Variants in ATG2B observed in about 807,000 individuals in gnomAD.
ATG2B encodes autophagy related 2B.
In ATG2B, 121 loss-of-function variants were observed where a neutral mutation model predicts 241.3. The ratio of observed to expected loss-of-function variants is 0.50; its 90% CI spans 0.43 to 0.58. The LOEUF (loss-of-function observed/expected upper bound fraction) is 0.58, where lower values mean the gene tolerates loss of function less well. ATG2B is among the 20% of genes least tolerant of loss of function. ATG2B has a pLI of 0.00. For missense variants in ATG2B, 2,306 were observed against 2,491.6 expected (o/e 0.93, Z 1.59); for synonymous variants, 858 against 876.6 (o/e 0.98, Z 0.37).
chr14:96,315,104 G>A, intron 23 of ATG2B, 50 bp downstream of exon 23: 4 of 1,397,090 alleles, frequency 2.9e-6, no homozygotes, highest in East Asian at 2.5e-5. Flanking sequence ...TGTATTAGAT[G>A]TCAACACAAA....
intron 7 of ATG2B, 91 bp downstream of exon 7, chr14:96,334,314 G>A: frequency 1.3e-6 from 1 of 759,886 alleles, no homozygotes; most frequent in South Asian, 1.9e-5. Flanking sequence ...AAAAATAATA[G>A]ACTTTCCTAC....
intron 34 of ATG2B, among the ~76,000 whole-genome samples, 181 bp downstream of exon 34, chr14:96,301,826 T>C (rs1405731494): frequency 1.3e-5 from 2 of 152,224 alleles, no homozygotes; most frequent in Non-Finnish European, 2.9e-5. Flanking sequence ...TCTAATGATG[T>C]TGACTCAGCC....
At chr14:96,339,907 A>G (rs1417668239) in intron 6 of ATG2B, among the ~76,000 whole-genome samples, 1 of 151,638 alleles carries the variant, frequency 6.6e-6, no homozygotes, top group Admixed American at 6.6e-5. Context: ...AGGGACAACA[A>G]CAAAAACTAA....
chr14:96,356,188 T>G (rs867623717), intron 1 of ATG2B, among the ~76,000 whole-genome samples: 1 of 146,816 alleles, frequency 6.8e-6, no homozygotes, highest in Non-Finnish European at 1.5e-5. Flanking sequence ...AAAAAAAAAG[T>G]GCATGAGCTA....
chr14:96,288,121 A>C (rs984908470), intron 41 of ATG2B, among the ~76,000 whole-genome samples: 1 of 151,986 alleles, frequency 6.6e-6, no homozygotes, highest in African/African-American at 2.4e-5. Flanking sequence ...CATTCTTCCT[A>C]GTGACAGCTT....
Position 96,317,849 on chromosome 14 carries a change from A to G in ATG2B, c.2886T>C (p.Phe962=), listed in dbSNP as rs756707874. The change falls in exon 19 of 42, where the codon TTT becomes TTC. Residue 962 remains phenylalanine (F), a synonymous_variant. Transcript: ENST00000359933. ...SFYEKLYNRI[F]NDLLLWEPTA... Reference sequence around the variant, plus strand: ...TTGGTTCCCACAGTAGCAAGTCATTAAAGATCCTATAAAGACAAAAGTTGA... The same window carrying G: ...TTGGTTCCCACAGTAGCAAGTCATTGAAGATCCTATAAAGACAAAAGTTGA... The G allele has an allele frequency of 4.4e-6, 7 of 1,602,702 alleles. No homozygotes were observed. The South Asian group carries it at 5.6e-5, about 13-fold the overall frequency.
In ATG2B at chr14:96,307,202, A is replaced by G. The variant is rs561474987; in HGVS notation, c.4304-286T>C. On this transcript the variant is annotated intron_variant, in intron 29 of 41. Transcript: ENST00000359933. ...CGAGATGGGTGGATCACCTGAGGTC[A>G]GGAGTTACAGACCAGCCTGGCCAAC... 7.9e-5 allele frequency among the ~76,000 whole-genome samples: 12 copies of G among 152,282 alleles called. No homozygotes were observed. The South Asian group carries it at 2.5e-3, about 32-fold the overall frequency.
intron 14 of ATG2B, among the ~76,000 whole-genome samples, chr14:96,326,772 C>G (rs1373033858): frequency 1.3e-5 from 2 of 152,094 alleles, no homozygotes; most frequent in African/African-American, 4.8e-5. Flanking sequence ...ATCACCCAGG[C>G]TGGTCTCAAA....
In ATG2B at chr14:96,280,666, T is replaced by A. The variant is rs1886173759; in HGVS notation, c.*5089A>T. 1 of 152,128 alleles carries A rather than the reference T, an allele frequency of 6.6e-6. No homozygotes were observed. The highest frequency in any genetic ancestry group is 6.5e-5 in the Admixed American group (1 of 15,276). The allele number at this position is 152,128 out of a possible 1,614,324, so 9.4% of individuals were successfully genotyped here. Reference sequence around the variant, plus strand: ...ATTTTTGGAGGCTGAGGTCAAGAGTTCGAGACCAGGCTGAGGTTAACCTGG... The same window carrying A: ...ATTTTTGGAGGCTGAGGTCAAGAGTACGAGACCAGGCTGAGGTTAACCTGG... On this transcript the variant is annotated 3_prime_UTR_variant, in exon 42 of 42. Transcript: ENST00000359933.
chr14:96,322,365 A>C, intron 17 of ATG2B, 111 bp from the exon 18 acceptor site: 6 of 1,372,296 alleles, frequency 4.4e-6, no homozygotes, highest in Non-Finnish European at 6.0e-6. Flanking sequence ...ATAAGCATGA[A>C]ACATTTAACT....
intron 29 of ATG2B, among the ~76,000 whole-genome samples, chr14:96,309,063 AAAGCC>A (rs1452618453): frequency 6.6e-6 from 1 of 152,192 alleles, no homozygotes; most frequent in Non-Finnish European, 1.5e-5. Context: ...CCACTTTTAA[AAAGCC>A]AAGCCATCTT....
intron 19 of ATG2B, 78 bp from the exon 20 acceptor site, chr14:96,317,395 A>G (rs1887344852): frequency 8.1e-7 from 1 of 1,236,368 alleles, no homozygotes; most frequent in Admixed American, 2.3e-5. Flanking sequence ...AAAATATTTT[A>G]TATAACCTGC....
At chr14:96,308,460 C>CTT (rs573746586) in intron 29 of ATG2B, among the ~76,000 whole-genome samples, 21 of 115,608 alleles carry the variant, frequency 1.8e-4, no homozygotes, top group African/African-American at 6.8e-4. Flanking sequence ...CCACATCTAG[C>CTT]TTTTTTTTTT....
intron 5 of ATG2B, among the ~76,000 whole-genome samples, chr14:96,341,957 C>CA (rs1414217462): frequency 6.6e-6 from 1 of 151,976 alleles, no homozygotes; most frequent in Non-Finnish European, 1.5e-5. Flanking sequence ...CAAGTTACAG[C>CA]AGTAAGAAAA....
intron 34 of ATG2B, among the ~76,000 whole-genome samples, chr14:96,299,038 C>T (rs577752636): frequency 4.6e-5 from 7 of 152,208 alleles, no homozygotes; most frequent in African/African-American, 1.7e-4. Context: ...AAAAGAATTC[C>T]TTTTAATGTC....
At position 96,284,286 on chromosome 14, in the gene ATG2B, C is replaced by T. The variant is rs1037852800; in HGVS notation, c.*1469G>A. 1.2e-4 allele frequency: 18 copies of T among 152,210 alleles called. No individual in the cohort carries two copies. The highest frequency in any genetic ancestry group is 4.1e-4 in the African/African-American group (17 of 41,526). The allele number at this position is 152,210 out of a possible 1,614,324, so 9.4% of individuals were successfully genotyped here. A position where few individuals can be genotyped will look rare whatever the true frequency, so the allele number is the denominator to read the frequency against. On this transcript the variant is annotated 3_prime_UTR_variant, in exon 42 of 42. Coordinates refer to ENST00000359933, the MANE Select transcript of ATG2B (RefSeq NM_018036.7). ...CTTAAACAGGTGGTTACGCTGTTGTCTTTTTAAGTTTTTTGGCAGTAAAAA... is the reference window on the plus strand; with the variant it reads ...CTTAAACAGGTGGTTACGCTGTTGTTTTTTTAAGTTTTTTGGCAGTAAAAA...
intron 24 of ATG2B, 63 bp from the exon 25 acceptor site, chr14:96,313,220 C>T (rs1221588464): frequency 1.7e-5 from 21 of 1,265,790 alleles, no homozygotes; most frequent in Non-Finnish European, 2.3e-5. Context: ...CTATTAAAAA[C>T]AACAACAACA....
In ATG2B at chr14:96,333,473, C is replaced by CA. The variant is rs150196621; in HGVS notation, c.1207+214dup. Among the ~76,000 whole-genome samples, 887 of 152,154 alleles carry CA rather than the reference C, an allele frequency of 5.8e-3. 12 individuals are homozygous for CA. The highest frequency in any genetic ancestry group is 0.02 in the African/African-American group (844 of 41,554). On this transcript the variant is annotated intron_variant, in intron 8 of 41. Transcript: ENST00000359933. ...CATTTAGAAAACAAAACTACACAAT[C>CA]AAAATCAAAAAAATATACTATAGCA...
chr14:96,294,760 G>A (rs1036718567), intron 36 of ATG2B, among the ~76,000 whole-genome samples, 200 bp downstream of exon 36: 3 of 152,166 alleles, frequency 2.0e-5, no homozygotes, highest in Non-Finnish European at 4.4e-5. Context: ...AAAGAGAGAC[G>A]AATTTGGAAC....
Sources: allele counts gnomAD v4.1 joint callset (sites outside exome capture counted in the v4.1 genomes callset), GRCh38; gene constraint gnomAD v4.1.1; transcripts MANE v1.5; gene names NCBI Gene and HGNC (gene_info 2026-07-23, HGNC 2026-07-21).